Variants in ZNF185 observed in about 807,000 individuals in gnomAD.
The protein encoded by ZNF185 is zinc finger protein 185 with LIM domain, also known as zinc finger protein 185.
Under a neutral mutation model 58.6 loss-of-function variants are expected in ZNF185, and 56 were observed. The observed-to-expected ratio is 0.95, with a 90% CI of 0.77 to 1.19. The LOEUF is 1.19. Among genes scored for constraint, ZNF185 ranks in the 50% most tolerant of loss-of-function variants. The pLI, the probability that ZNF185 is intolerant of heterozygous loss-of-function variation, is 0.00. For synonymous variants in ZNF185, 230 were observed against 215.9 expected (o/e 1.07, Z -0.57); for missense variants, 627 against 573.5 (o/e 1.09, Z -0.95).
intron 14 of ZNF185, among the ~76,000 whole-genome samples, chrX:152,937,596 T>C (rs1224911068): frequency 1.8e-5 from 2 of 111,966 alleles, no homozygotes; most frequent in Non-Finnish European, 3.8e-5. Flanking sequence ...CCAAGAGACA[T>C]GTCCCCCATA....
In ZNF185 at chrX:152,959,098, A is replaced by G. The variant is rs1163552515; in HGVS notation, c.1410-601A>G. Among the ~76,000 whole-genome samples the G allele has an allele frequency of 6.2e-5, 7 of 112,830 alleles. No individual in the cohort carries two copies. In the Admixed American group the frequency reaches 6.5e-4, roughly 10 times the overall value. On this transcript the variant is annotated intron_variant, in intron 16 of 22. Coordinates refer to ENST00000449285, the Ensembl canonical transcript of ZNF185. ...GCGCTCGAGGATCACAAATGGGTCTAGGGTTCTCATAATGGCCCCGCCTAA... is the reference window on the plus strand; with the variant it reads ...GCGCTCGAGGATCACAAATGGGTCTGGGGTTCTCATAATGGCCCCGCCTAA...
chrX:152,929,942 C>G (rs889440853), intron 12 of ZNF185, among the ~76,000 whole-genome samples: 11 of 112,340 alleles, frequency 9.8e-5, no homozygotes, highest in African/African-American at 3.6e-4. Context: ...TGTTCCACCT[C>G]AAATGTCCTG....
At chrX:152,917,466 T>G (rs1296466681) in intron 5 of ZNF185, 104 bp downstream of exon 6, 8 of 976,140 alleles carry the variant, frequency 8.2e-6, no homozygotes, top group Non-Finnish European at 1.1e-5. Context: ...TGTGGGGCCT[T>G]GGAGGTGCCA....
At chrX:152,963,924 A>G (rs2049830574) in exon 18 of ZNF185, 3 of 1,209,888 alleles carry the variant, frequency 2.5e-6, no homozygotes, top group Non-Finnish European at 3.4e-6. Context: ...AGCCCCCGCA[A>G]GTGAATTGGA....
intron 9 of ZNF185, 30 bp from the exon 11 acceptor site, chrX:152,922,143 C>G: frequency 1.7e-6 from 2 of 1,171,660 alleles, no homozygotes; most frequent in Non-Finnish European, 2.3e-6. Flanking sequence ...CCAAGAAGAC[C>G]ACGAGCGCTG....
the ZNF185 span, among the ~76,000 whole-genome samples, chrX:152,899,113 C>T: frequency 8.9e-6 from 1 of 112,092 alleles, no homozygotes; most frequent in Admixed American, 9.3e-5. Flanking sequence ...GCCGTCGGCA[C>T]GAAGCCTTGG....
At chrX:152,945,364 G>A (rs781890465) in exon 16 of ZNF185, 8 of 1,206,828 alleles carry the variant, frequency 6.6e-6, no homozygotes, top group Non-Finnish European at 9.0e-6. Flanking sequence ...AGGAGACCCA[G>A]CTGTACCCGC....
At chrX:152,917,260 C>T (rs945092226) in intron 4 of ZNF185, 25 bp from the exon 6 acceptor site, 19 of 1,209,456 alleles carry the variant, frequency 1.6e-5, no homozygotes, top group South Asian at 1.2e-4. Flanking sequence ...GGGAGCTCAC[C>T]GGCATCTCCT....
intron 15 of ZNF185, among the ~76,000 whole-genome samples, chrX:152,938,976 A>G (rs964078721): frequency 3.7e-5 from 4 of 107,316 alleles, no homozygotes; most frequent in Non-Finnish European, 7.8e-5. Flanking sequence ...CCACAAACCA[A>G]CTAACCCTGA....
At chrX:152,945,126 G>A in intron 15 of ZNF185, 141 bp from the exon 18 acceptor site, 1 of 648,862 alleles carries the variant, frequency 1.5e-6, no homozygotes. Context: ...AATTGGGGCT[G>A]TGCCTGGCTC....
intron 16 of ZNF185, among the ~76,000 whole-genome samples, chrX:152,956,503 C>T (rs1338729240): frequency 1.8e-5 from 2 of 111,746 alleles, no homozygotes; most frequent in Non-Finnish European, 3.8e-5. Flanking sequence ...CTCTCGGAGG[C>T]CGAGGCAGGC....
intron 11 of ZNF185, among the ~76,000 whole-genome samples, chrX:152,924,719 C>T (rs1335214764): frequency 8.9e-6 from 1 of 112,370 alleles, no homozygotes; most frequent in Non-Finnish European, 1.9e-5. Flanking sequence ...CTCGCTCTGT[C>T]GCCCAGGCTC....
rs184359343 is a variant in ZNF185, at chrX:152,963,186, C to A, written c.1608-653C>A. Among the ~76,000 whole-genome samples, 15 of 112,944 alleles carry A rather than the reference C, an allele frequency of 1.3e-4. No homozygotes were observed. In the East Asian group the frequency reaches 3.9e-3, roughly 29 times the overall value. On this transcript the variant is annotated intron_variant, in intron 17 of 22. Coordinates refer to ENST00000449285, the Ensembl canonical transcript of ZNF185. ...GGTAATGAGGCTCATAGCCTGGGGG[C>A]AGGCAGAGTGAGAGCCGATATTGGC...
the ZNF185 span, among the ~76,000 whole-genome samples, chrX:152,909,342 C>T: frequency 8.9e-6 from 1 of 112,481 alleles, no homozygotes; most frequent in Non-Finnish European, 1.9e-5. Flanking sequence ...ATAACCGGTC[C>T]CTGTACCAGG....
chrX:152,958,039 A>C (rs889828110), intron 16 of ZNF185, among the ~76,000 whole-genome samples: 2 of 112,054 alleles, frequency 1.8e-5, no homozygotes, highest in African/African-American at 6.5e-5. Context: ...CCACAACACA[A>C]AAGAATTTTT....
chrX:152,936,802 A>G (rs2046340163), intron 14 of ZNF185, among the ~76,000 whole-genome samples: 1 of 110,476 alleles, frequency 9.1e-6, no homozygotes, highest in Non-Finnish European at 1.9e-5. Flanking sequence ...GAGCCTGGGA[A>G]GAGATCCTGC....
chrX:152,948,451 TC>T (rs1165901006), intron 16 of ZNF185, among the ~76,000 whole-genome samples: 1 of 111,105 alleles, frequency 9.0e-6, no homozygotes, highest in African/African-American at 3.3e-5. Context: ...ACGTGACCAG[TC>T]CCCGATAAAA....
exon 6 of ZNF185, chrX:152,918,152 G>A (rs782434513): frequency 1.8e-5 from 21 of 1,189,529 alleles, no homozygotes; most frequent in Non-Finnish European, 1.7e-5. Flanking sequence ...ATTACAAGAA[G>A]CTGTGAGTAT....
At chrX:152,900,620 G>A in the ZNF185 span, among the ~76,000 whole-genome samples, 1 of 112,743 alleles carries the variant, frequency 8.9e-6, no homozygotes, top group South Asian at 3.6e-4. Context: ...ATAGTGAACC[G>A]GCTGATGCCA....
Sources: allele counts gnomAD v4.1 joint callset (sites outside exome capture counted in the v4.1 genomes callset), GRCh38; gene constraint gnomAD v4.1.1; transcripts MANE v1.5; gene names NCBI Gene and HGNC (gene_info 2026-07-23, HGNC 2026-07-21).